LRMDA: variants seen among roughly 807,000 people sequenced by gnomAD.
The protein encoded by LRMDA is leucine rich melanocyte differentiation associated.
Under a neutral mutation model 29.8 loss-of-function variants are expected in LRMDA, and 18 were observed. The observed-to-expected ratio is 0.60, with a 90% confidence interval of 0.42 to 0.90. The LOEUF (loss-of-function observed/expected upper bound fraction) is 0.90. Ranked by LOEUF, LRMDA falls within the 40% of genes least tolerant of loss-of-function variation. The pLI, the probability that LRMDA is intolerant of heterozygous loss-of-function variation, is 0.00. For missense variants in LRMDA, 273 were observed against 273.9 expected (o/e 1.00, Z 0.02); for synonymous variants, 125 against 109.4 (o/e 1.14, Z -0.89).
intron 2 of LRMDA, among the ~76,000 whole-genome samples, chr10:75,847,687 T>C (rs1291501824): frequency 3.9e-5 from 6 of 152,102 alleles, no homozygotes; most frequent in African/African-American, 1.4e-4. Flanking sequence ...GTGAAGGACA[T>C]GAATAGAAGT....
chr10:76,094,649 T>G (rs758525536), intron 5 of LRMDA, among the ~76,000 whole-genome samples: 27 of 152,178 alleles, frequency 1.8e-4, no homozygotes, highest in Admixed American at 7.2e-4. Context: ...AGGTCCATGA[T>G]ATAAGTACAG....
At chr10:75,757,720 CA>C (rs1843049581) in intron 2 of LRMDA, among the ~76,000 whole-genome samples, 1 of 151,910 alleles carries the variant, frequency 6.6e-6, no homozygotes, top group African/African-American at 2.4e-5. Context: ...CAATAATTGC[CA>C]GCTATTTTAA....
intron 5 of LRMDA, among the ~76,000 whole-genome samples, chr10:76,098,245 G>A (rs1849344002): frequency 6.6e-6 from 1 of 152,090 alleles, no homozygotes; most frequent in Non-Finnish European, 1.5e-5. Flanking sequence ...CTACTTATAT[G>A]TTTGGTAGAA....
intron 2 of LRMDA, among the ~76,000 whole-genome samples, chr10:75,641,286 G>A (rs943120053): frequency 6.6e-6 from 1 of 152,050 alleles, no homozygotes; most frequent in Non-Finnish European, 1.5e-5. Flanking sequence ...GGAGCCATCG[G>A]TCCTCCTTTG....
At chr10:76,321,156 A>C (rs1016992819) in intron 5 of LRMDA, among the ~76,000 whole-genome samples, 1 of 152,200 alleles carries the variant, frequency 6.6e-6, no homozygotes, top group Non-Finnish European at 1.5e-5. Flanking sequence ...ACATTGTTTT[A>C]TGTCTCAATT....
chr10:75,773,754 C>T (rs1312708702), intron 2 of LRMDA, among the ~76,000 whole-genome samples: 1 of 152,190 alleles, frequency 6.6e-6, no homozygotes, highest in Non-Finnish European at 1.5e-5. Context: ...GAATATGAGT[C>T]AGTCTTCAAG....
At chr10:76,072,026 A>C (rs1482682792) in intron 5 of LRMDA, among the ~76,000 whole-genome samples, 2 of 152,228 alleles carry the variant, frequency 1.3e-5, no homozygotes, top group African/African-American at 4.8e-5. Flanking sequence ...TCATACACGC[A>C]ATAAAACATA....
At chr10:75,924,001 A>T (rs1239484558) in intron 2 of LRMDA, among the ~76,000 whole-genome samples, 1 of 152,126 alleles carries the variant, frequency 6.6e-6, no homozygotes, top group Non-Finnish European at 1.5e-5. Context: ...CCAGCAAAGG[A>T]GCTTTATTGA....
intron 5 of LRMDA, among the ~76,000 whole-genome samples, chr10:76,303,824 A>AG (rs1303354006): frequency 6.6e-6 from 1 of 151,724 alleles, no homozygotes; most frequent in Non-Finnish European, 1.5e-5. Context: ...TATGACATTC[A>AG]GTACTGCTGA....
At chr10:76,473,407 G>A (rs566375759) in intron 6 of LRMDA, among the ~76,000 whole-genome samples, 6 of 151,504 alleles carry the variant, frequency 4.0e-5, no homozygotes, top group Middle Eastern at 3.4e-3. Context: ...GGTTACCATC[G>A]TACTTAATGG....
At chr10:76,330,508 ATT>A (rs372721892) in intron 6 of LRMDA, among the ~76,000 whole-genome samples, 4 of 152,054 alleles carry the variant, frequency 2.6e-5, no homozygotes, top group African/African-American at 9.7e-5. Flanking sequence ...GAGAGTGTGA[ATT>A]TTCTAGGTTT....
intron 6 of LRMDA, among the ~76,000 whole-genome samples, chr10:76,431,170 AG>A (rs1158314111): frequency 5.9e-5 from 9 of 152,212 alleles, no homozygotes; most frequent in African/African-American, 1.7e-4. Context: ...TGGAAAAAAA[AG>A]ATCTAAATAT....
chr10:75,508,928 G>A (rs1315426386), intron 2 of LRMDA, among the ~76,000 whole-genome samples: 1 of 152,202 alleles, frequency 6.6e-6, no homozygotes, highest in African/African-American at 2.4e-5. Flanking sequence ...TTTTCACCTG[G>A]CGTGCATCTT....
rs1481136232 is a variant in LRMDA, at chr10:75,776,470, G to A, written c.132-259538G>A. 2.6e-5 allele frequency among the ~76,000 whole-genome samples: 4 copies of A among 152,134 alleles called. No individual in the cohort carries two copies. The South Asian group carries it at 6.2e-4, about 24-fold the overall frequency. ...AATGCAGCCTTCTTATTTTACAAAG[G>A]GGGAAACTGAGGTTCATGGGCCAGA... On this transcript the variant is annotated intron_variant, in intron 2 of 6. Coordinates refer to ENST00000611255, the MANE Select transcript of LRMDA (RefSeq NM_001305581.2).
At chr10:75,477,459 C>T (rs1430546693) in intron 2 of LRMDA, among the ~76,000 whole-genome samples, 1 of 152,232 alleles carries the variant, frequency 6.6e-6, no homozygotes, top group Non-Finnish European at 1.5e-5. Flanking sequence ...CTTTGCCTGT[C>T]AAACTCCTAC....
intron 5 of LRMDA, among the ~76,000 whole-genome samples, chr10:76,099,155 CAA>C (rs1275466111): frequency 1.3e-5 from 2 of 152,198 alleles, no homozygotes; most frequent in Non-Finnish European, 2.9e-5. Flanking sequence ...GTCCTACCTA[CAA>C]AGGCCATCTA....
At chr10:75,782,249 C>A (rs1843395214) in intron 2 of LRMDA, among the ~76,000 whole-genome samples, 1 of 152,016 alleles carries the variant, frequency 6.6e-6, no homozygotes. Flanking sequence ...TAAAAACAAG[C>A]AAAATAATCC....
At chr10:76,472,151 T>C (rs1015860954) in intron 6 of LRMDA, among the ~76,000 whole-genome samples, 1 of 151,748 alleles carries the variant, frequency 6.6e-6, no homozygotes, top group African/African-American at 2.4e-5. Flanking sequence ...GAATAGTCTC[T>C]AGGATAGACC....
intron 2 of LRMDA, among the ~76,000 whole-genome samples, chr10:75,787,768 G>A (rs145459861): frequency 1.6e-4 from 24 of 152,336 alleles, no homozygotes; most frequent in East Asian, 9.7e-4. Flanking sequence ...GGTGGCTTGC[G>A]CCTGTAATCC....
Sources: gnomAD v4.1 joint callset for allele counts (sites outside exome capture counted in the v4.1 genomes callset) on GRCh38, gnomAD v4.1.1 for gene constraint, MANE v1.5 for transcripts, NCBI Gene and HGNC (gene_info 2026-07-23, HGNC 2026-07-21) for gene names.